Variants in CDHR2 observed in about 807,000 individuals in gnomAD.
CDHR2 encodes the protein cadherin-related family member 2.
A neutral mutation model predicts 138.6 loss-of-function variants in CDHR2; 104 were observed. The ratio of observed to expected loss-of-function variants is 0.75; its 90% CI spans 0.64 to 0.88. The LOEUF is 0.88. Among genes scored for constraint, CDHR2 ranks in the 40% least tolerant of loss-of-function variants. The pLI, the probability that CDHR2 is intolerant of heterozygous loss-of-function variation, is 0.00. For synonymous variants in CDHR2, 755 were observed against 742.8 expected (o/e 1.02, Z -0.27); for missense variants, 1,624 against 1,727.6 (o/e 0.94, Z 1.06).
chr5:176,582,449 TA>T (rs1291795117), intron 17 of CDHR2, among the ~76,000 whole-genome samples: 3 of 144,914 alleles, frequency 2.1e-5, no homozygotes, highest in Non-Finnish European at 4.6e-5. Context: ...ATTACAGGCA[TA>T]AGTCACTGAG....
chr5:176,584,825 C>T lies in CDHR2; in HGVS notation c.2544C>T (p.Asn848=). Reference sequence around the variant, plus strand: ...CCCAGCTGGAGATACAGCTTGTGAACATTCTCTGCACCAAGGCCGGGGTCG... The same window carrying T: ...CCCAGCTGGAGATACAGCTTGTGAATATTCTCTGCACCAAGGCCGGGGTCG... ...TSAQLEIQLV[N]ILCTKAGVDV... The change falls in exon 19 of 32, where the codon AAC becomes AAT. Residue 848 remains asparagine, a synonymous_variant. Transcript: ENST00000261944. 1 of 1,614,170 alleles carries T rather than the reference C, an allele frequency of 6.2e-7. No homozygotes were observed. The highest frequency in any genetic ancestry group is 1.1e-5 in the South Asian group (1 of 91,074).
intron 1 of CDHR2, among the ~76,000 whole-genome samples, chr5:176,551,366 C>T (rs1307603372): frequency 6.6e-6 from 1 of 152,120 alleles, no homozygotes; most frequent in African/African-American, 2.4e-5. Flanking sequence ...CAGGGTTTCA[C>T]CATGTTGGTC....
chr5:176,547,921 C>T (rs1757620662), upstream of CDHR2, among the ~76,000 whole-genome samples: 1 of 152,214 alleles, frequency 6.6e-6, no homozygotes, highest in Admixed American at 6.5e-5. Flanking sequence ...ACAGTCAACA[C>T]AACCCTTAAC....
chr5:176,554,323 C>T (rs1459664066), intron 1 of CDHR2, among the ~76,000 whole-genome samples: 2 of 152,202 alleles, frequency 1.3e-5, no homozygotes, highest in East Asian at 3.9e-4. Flanking sequence ...GAAGCTGTTT[C>T]CATGGTGATT....
In CDHR2 at chr5:176,595,760, C is replaced by T; in HGVS notation, c.*88C>T. 7.9e-7 allele frequency: 1 copy of T among 1,272,660 alleles called. No individual in the cohort carries two copies. Among genetic ancestry groups the T allele is most frequent in the Non-Finnish European group, 1.1e-6 (1 of 951,956 alleles). 78.8% of individuals were successfully genotyped at this position (1,272,660 alleles called of 1,614,324 possible). The stretch of plus-strand genomic sequence containing the variant: ...TCCCTGGAGATGAAAATATATGACG[C>T]TGCCCTGCCTCCTGCTTTTGGCCAA... On this transcript the variant is annotated 3_prime_UTR_variant, in exon 32 of 32. Coordinates refer to ENST00000261944, the MANE Select transcript of CDHR2 (RefSeq NM_017675.6).
At chr5:176,568,546 G>A in intron 3 of CDHR2, 132 bp from the exon 4 acceptor site, 3 of 920,360 alleles carry the variant, frequency 3.3e-6, no homozygotes, top group Middle Eastern at 3.0e-4. Flanking sequence ...TGATGGTTGG[G>A]GAGGTCCCAG....
At chr5:176,547,811 T>G (rs1757618597), upstream of CDHR2, 1 of 152,256 alleles carries the variant, frequency 6.6e-6, no homozygotes, top group Admixed American at 6.5e-5. Context: ...GGGTTTCTTC[T>G]TTTTATGCTG....
At chr5:176,566,756 A>C (rs934973965) in intron 3 of CDHR2, among the ~76,000 whole-genome samples, 3 of 152,198 alleles carry the variant, frequency 2.0e-5, no homozygotes, top group African/African-American at 7.2e-5. Context: ...TGGATTTTAC[A>C]CACATTGCTT....
intron 7 of CDHR2, 121 bp from the exon 8 acceptor site, chr5:176,574,963 C>T (rs1462131506): frequency 8.2e-7 from 1 of 1,212,482 alleles, no homozygotes; most frequent in East Asian, 2.4e-5. Context: ...GGTCATATGA[C>T]CTGGTGCCAG....
At position 176,575,491 on chromosome 5, in the gene CDHR2, C is replaced by G. The variant is rs962364465; in HGVS notation, c.769-15C>G. 2.5e-6 allele frequency: 4 copies of G among 1,614,124 alleles called. No individual in the cohort carries two copies. The highest frequency in any genetic ancestry group is 1.1e-5 in the South Asian group (1 of 91,074). On this transcript the variant is annotated splice_polypyrimidine_tract_variant and intron_variant, in intron 9 of 31. Coordinates refer to ENST00000261944, the MANE Select transcript of CDHR2 (RefSeq NM_017675.6). Reference sequence around the variant, plus strand: ...GCGGGGAAGTTTGAGGAGCACTGACCAGGCCCCATTCCAGGGAACCTCGGT... The same window carrying G: ...GCGGGGAAGTTTGAGGAGCACTGACGAGGCCCCATTCCAGGGAACCTCGGT...
At chr5:176,547,346 G>A (rs1284754825), upstream of CDHR2, 6 of 152,098 alleles carry the variant, frequency 3.9e-5, no homozygotes, top group Non-Finnish European at 7.4e-5. Context: ...CTGGGGGGAA[G>A]CTCAGAACCT....
At chr5:176,562,346 C>G (rs1757984979) in intron 1 of CDHR2, among the ~76,000 whole-genome samples, 1 of 132,458 alleles carries the variant, frequency 7.5e-6, no homozygotes, top group Non-Finnish European at 1.6e-5. Context: ...TAGAGAGAAA[C>G]AGAGGAGGCT....
chr5:176,561,738 C>T (rs1167371487), intron 1 of CDHR2, among the ~76,000 whole-genome samples: 1 of 149,800 alleles, frequency 6.7e-6, no homozygotes, highest in Non-Finnish European at 1.5e-5. Flanking sequence ...CTCCCGGGTT[C>T]GAGCGATTCT....
In CDHR2 at chr5:176,575,854, C is replaced by T. The variant is rs776880448; in HGVS notation, c.960+15C>T. 1.9e-5 allele frequency: 29 copies of T among 1,543,946 alleles called. No individual in the cohort carries two copies. In the South Asian group the frequency reaches 2.0e-4, roughly 11 times the overall value. ...TGCAGGTCACGGTGAGCAAAGGCCC[C>T]ACCACCCCTGTCAGAACCCTGCTCT... is the stretch of plus-strand genomic sequence containing the variant. On this transcript the variant is annotated intron_variant, in intron 11 of 31. Coordinates refer to ENST00000261944, the MANE Select transcript of CDHR2 (RefSeq NM_017675.6).
intron 30 of CDHR2, among the ~76,000 whole-genome samples, chr5:176,592,111 GTGA>G: frequency 7.2e-6 from 1 of 139,416 alleles, no homozygotes; most frequent in African/African-American, 2.6e-5. Context: ...GGTGGTGATG[GTGA>G]TGGTAGTGAT....
chr5:176,586,709 GC>G, intron 20 of CDHR2, 83 bp from the exon 21 acceptor site: 1 of 1,281,706 alleles, frequency 7.8e-7, no homozygotes, highest in Non-Finnish European at 1.1e-6. Flanking sequence ...AGGGGGATGA[GC>G]CCTGAGCTGG....
Position 176,590,472 on chromosome 5 carries a change from G to GGCTGGTGGT in CDHR2, c.3409_3414+3dup. The GGCTGGTGGT allele has an allele frequency of 1.2e-6, 2 of 1,613,992 alleles. No homozygotes were observed. The highest frequency in any genetic ancestry group is 8.5e-7 in the Non-Finnish European group (1 of 1,179,920). On this transcript the variant is annotated inframe_insertion, in exon 27 of 32. Transcript: ENST00000261944. ...TCGCTGACGCAGCTGCTGCAGCTGG[G>GGCTGGTGGT]GCTGGTGGTGCTGGTGAGTGCGGGC...
intron 1 of CDHR2, among the ~76,000 whole-genome samples, chr5:176,555,277 C>G (rs1757795048): frequency 6.6e-6 from 1 of 152,178 alleles, no homozygotes; most frequent in African/African-American, 2.4e-5. Context: ...GGGTTTTCTC[C>G]TCTTGCTAGG....
intron 1 of CDHR2, among the ~76,000 whole-genome samples, chr5:176,551,189 G>A (rs146888833): frequency 4.6e-5 from 7 of 151,956 alleles, no homozygotes; most frequent in African/African-American, 1.4e-4. Flanking sequence ...TTTTTTGTGA[G>A]ATGGAGTCTT....
Sources: allele counts gnomAD v4.1 joint callset (sites outside exome capture counted in the v4.1 genomes callset), GRCh38; gene constraint gnomAD v4.1.1; transcripts MANE v1.5; gene names NCBI Gene and HGNC (gene_info 2026-07-23, HGNC 2026-07-21).